The following AFDN variants were observed in gnomAD, a reference collection of about 807,000 sequenced individuals.
AFDN encodes afadin.
In AFDN, 68 loss-of-function variants were observed where a neutral mutation model predicts 216.6. The observed-to-expected ratio is 0.31, with a 90% confidence interval of 0.26 to 0.38. AFDN has a LOEUF of 0.38. Among genes scored for constraint, AFDN ranks in the 10% least tolerant of loss-of-function variants. AFDN has a pLI of 1.00. For synonymous variants in AFDN, 868 were observed against 853.7 expected (o/e 1.02, Z -0.29); for missense variants, 2,136 against 2,342.0 (o/e 0.91, Z 1.82).
At chr6:167,960,151 GA>G (rs1242944661) in intron 30 of AFDN, among the ~76,000 whole-genome samples, 1 of 152,196 alleles carries the variant, frequency 6.6e-6, no homozygotes, top group African/African-American at 2.4e-5. Context: ...TGAATGGTGG[GA>G]GTAAAGCAAC....
Position 167,962,538 on chromosome 6 carries a change from G to T in AFDN, c.4939G>T (p.Glu1647Ter). 1 of 1,613,986 alleles carries T rather than the reference G, an allele frequency of 6.2e-7. No homozygotes were observed. The highest frequency in any genetic ancestry group is 8.5e-7 in the Non-Finnish European group (1 of 1,179,886). Residue 1647 changes from glutamate (E) to a stop codon, truncating the protein, a stop_gained, in exon 31 of 34, where the codon GAG becomes TAG. Coordinates refer to ENST00000683244, the MANE Select transcript of AFDN (RefSeq NM_001386888.1). LOFTEE classifies it high-confidence loss of function. This position sits in a 1 kb window ranked among gnomAD's most constrained non-coding sequence, Gnocchi z 5.2. ...QEEERRRQEE[E>*]RTKRDAEEKR... The stretch of plus-strand genomic sequence containing the variant: ...GGAAGAGCGCCGGCGGCAGGAGGAG[G>T]AGCGAACAAAACGAGACGCTGAAGA...
chr6:167,886,607 TAA>T (rs1035565999), intron 6 of AFDN, among the ~76,000 whole-genome samples: 24 of 152,306 alleles, frequency 1.6e-4, no homozygotes, highest in African/African-American at 5.8e-4. Flanking sequence ...ATTGTATATA[TAA>T]GAGAGATAAT....
At chr6:167,830,034 T>A (rs1476894708) in intron 1 of AFDN, among the ~76,000 whole-genome samples, 1 of 152,238 alleles carries the variant, frequency 6.6e-6, no homozygotes, top group Non-Finnish European at 1.5e-5. Flanking sequence ...GAACCTGATG[T>A]TGTTATTTTA....
chr6:167,879,830 C>T (rs1210053763), intron 5 of AFDN, among the ~76,000 whole-genome samples: 1 of 152,106 alleles, frequency 6.6e-6, no homozygotes, highest in Non-Finnish European at 1.5e-5. Context: ...AATCTTTGGC[C>T]TTGAGCACTT....
chr6:167,924,965 C>T (rs1562684512), intron 22 of AFDN, 40 bp from the exon 23 acceptor site: 1 of 1,409,106 alleles, frequency 7.1e-7, no homozygotes, highest in Non-Finnish European at 1.0e-6. Context: ...GAAGCACTTC[C>T]ATTTCAGTCA....
intron 10 of AFDN, among the ~76,000 whole-genome samples, chr6:167,897,642 C>CTTTTTTTTTTTTT (rs57383020): frequency 8.9e-5 from 8 of 89,752 alleles, no homozygotes; most frequent in Admixed American, 1.4e-4. Context: ...GACTGTATGC[C>CTTTTTTTTTTTTT]TTTTTTTTTT....
chr6:167,910,822 C>T (rs1453835107), intron 13 of AFDN, among the ~76,000 whole-genome samples: 1 of 152,176 alleles, frequency 6.6e-6, no homozygotes, highest in African/African-American at 2.4e-5. Context: ...CTGTACTAGA[C>T]ATGAAGTGTT....
At chr6:167,907,322 T>C (rs902022982) in intron 13 of AFDN, 33 bp downstream of exon 13, 1 of 1,505,284 alleles carries the variant, frequency 6.6e-7, no homozygotes, top group African/African-American at 1.4e-5. Context: ...ATGGTGAAAG[T>C]ACTGAAAGTA....
At chr6:167,910,439 A>G (rs1178919153) in intron 13 of AFDN, among the ~76,000 whole-genome samples, 1 of 152,244 alleles carries the variant, frequency 6.6e-6, no homozygotes. Flanking sequence ...GTTCCAAATT[A>G]TAGTTTCTTT....
chr6:167,965,146 T>G, intron 31 of AFDN: 1 of 818,452 alleles, frequency 1.2e-6, no homozygotes, highest in Non-Finnish European at 1.5e-6. Context: ...GGAGAATGAG[T>G]GTTTTTTTTT....
intron 33 of AFDN, 102 bp downstream of exon 33, chr6:167,969,300 C>T: frequency 1.2e-6 from 1 of 855,044 alleles, no homozygotes; most frequent in South Asian, 1.4e-5. Flanking sequence ...CATGGCTTCA[C>T]TCTGTGACCT....
chr6:167,969,264 C>T (rs1797850201), intron 33 of AFDN, 66 bp downstream of exon 33: 3 of 1,215,548 alleles, frequency 2.5e-6, no homozygotes, highest in Non-Finnish European at 2.4e-6. Context: ...CTCTTCACGA[C>T]ACCTTGAGAT....
chr6:167,839,317 T>C (rs755959853), intron 1 of AFDN, among the ~76,000 whole-genome samples: 36 of 152,276 alleles, frequency 2.4e-4, no homozygotes, highest in Admixed American at 1.6e-3. Context: ...TGTGCCTGTT[T>C]CATGGGCCGA....
At chr6:167,898,096 C>CTTAT (rs1788503724) in intron 10 of AFDN, 109 bp from the exon 11 acceptor site, 1 of 1,193,118 alleles carries the variant, frequency 8.4e-7, no homozygotes, top group Non-Finnish European at 1.2e-6. Context: ...AAATCCAGAG[C>CTTAT]TTATTAGGTT....
At position 167,962,304 on chromosome 6, in the gene AFDN, G is replaced by A. The variant is rs370787238; in HGVS notation, c.4834-129G>A. ...TATTTTCCAACAGTGATTTTAACCT[G>A]GTATTTTATATTTAACTTTCTGTGT... On this transcript the variant is annotated intron_variant, in intron 30 of 33. Coordinates refer to ENST00000683244, the MANE Select transcript of AFDN (RefSeq NM_001386888.1). This position sits in a 1 kb window ranked among gnomAD's most constrained non-coding sequence, Gnocchi z 5.2. 2.0e-5 allele frequency: 26 copies of A among 1,272,332 alleles called. No homozygotes were observed. In the African/African-American group the frequency reaches 2.4e-4, roughly 12 times the overall value. 78.8% of individuals were successfully genotyped at this position (1,272,332 alleles called of 1,614,324 possible).
At chr6:167,897,912 G>A (rs1303472064) in intron 10 of AFDN, among the ~76,000 whole-genome samples, 2 of 152,010 alleles carry the variant, frequency 1.3e-5, no homozygotes, top group African/African-American at 2.4e-5. Flanking sequence ...CCAAAGTGCT[G>A]GGATTACAGG....
chr6:167,857,404 A>AT (rs1416245831), intron 1 of AFDN, among the ~76,000 whole-genome samples: 1 of 152,156 alleles, frequency 6.6e-6, no homozygotes, highest in Non-Finnish European at 1.5e-5. Context: ...AAACCAGTTG[A>AT]TTAGTTGTAC....
chr6:167,954,403 C>A, intron 30 of AFDN: 1 of 1,508,176 alleles, frequency 6.6e-7, no homozygotes, highest in South Asian at 1.3e-5. Context: ...CTAAACCTAA[C>A]TTTTTTTTCC....
rs756824783 is a variant in AFDN, at chr6:167,948,446, A to C, written c.3799A>C (p.Thr1267Pro). 3.1e-6 allele frequency: 5 copies of C among 1,614,066 alleles called. No individual in the cohort carries two copies. The highest frequency in any genetic ancestry group is 4.2e-6 in the Non-Finnish European group (5 of 1,180,030). ...PNYEEKPHMHTDSNHSSIAIQ... is the reference protein window; with the variant it reads ...PNYEEKPHMHPDSNHSSIAIQ... Reference sequence around the variant, plus strand: ...TTATGAGGAAAAGCCACATATGCACACAGATAGTAATCATTCCAGTATTGC... The same window carrying C: ...TTATGAGGAAAAGCCACATATGCACCCAGATAGTAATCATTCCAGTATTGC... Residue 1267 changes from threonine to proline, a missense_variant, in exon 29 of 34, where the codon ACA becomes CCA. By Grantham distance (38) the Thr-to-Pro change is conservative (BLOSUM62 -1). Coordinates refer to ENST00000683244, the MANE Select transcript of AFDN (RefSeq NM_001386888.1).
Sources: gnomAD v4.1 joint callset for allele counts (sites outside exome capture counted in the v4.1 genomes callset) on GRCh38, gnomAD v4.1.1 for gene constraint, Gnocchi (gnomAD v3.1) non-coding constraint, MANE v1.5 for transcripts, NCBI Gene and HGNC (gene_info 2026-07-23, HGNC 2026-07-21) for gene names.